Variants in HTR2C observed in about 807,000 individuals in gnomAD.
HTR2C encodes the protein 5-hydroxytryptamine receptor 2C.
Under a neutral mutation model 21.0 loss-of-function variants are expected in HTR2C, and 5 were observed. That is an observed-to-expected ratio of 0.24 (90% confidence interval 0.12 to 0.50). The LOEUF is 0.50. Among genes scored for constraint, HTR2C ranks in the 20% least tolerant of loss-of-function variants. HTR2C has a pLI of 0.98. For synonymous variants in HTR2C, 150 were observed against 145.3 expected, an observed-to-expected ratio of 1.03 and a Z score of -0.23; for missense variants, 271 against 371.2, an observed-to-expected ratio of 0.73 and a Z score of 2.22.
intron 5 of HTR2C, among the ~76,000 whole-genome samples, chrX:114,855,588 G>A (rs1602882088): frequency 9.1e-6 from 1 of 109,844 alleles, no homozygotes; most frequent in Non-Finnish European, 1.9e-5. Context: ...ACAGGCTCAA[G>A]TCATCCATTA....
chrX:114,780,269 C>CACTCACA (rs1256689251), intron 4 of HTR2C, among the ~76,000 whole-genome samples: 26 of 111,288 alleles, frequency 2.3e-4, no homozygotes, highest in Non-Finnish European at 2.8e-4. Flanking sequence ...TATGTATATA[C>CACTCACA]ACTCACACAC....
At chrX:114,585,317 G>A (rs140107688) in intron 1 of HTR2C, among the ~76,000 whole-genome samples, 42 of 111,690 alleles carry the variant, frequency 3.8e-4, no homozygotes, top group African/African-American at 1.4e-3. Flanking sequence ...AGCGCTGCTG[G>A]TGATCACGTA....
At chrX:114,804,597 A>G (rs1167161773) in intron 4 of HTR2C, among the ~76,000 whole-genome samples, 5 of 111,992 alleles carry the variant, frequency 4.5e-5, no homozygotes, top group Non-Finnish European at 9.4e-5. Flanking sequence ...TATTAAAAAC[A>G]TTTCAAATGA....
At chrX:114,586,894 C>T (rs1369702751) in intron 1 of HTR2C, among the ~76,000 whole-genome samples, 1 of 110,722 alleles carries the variant, frequency 9.0e-6, no homozygotes, top group Non-Finnish European at 1.9e-5. Context: ...TTAGATTTTT[C>T]CCCTCAATTT....
chrX:114,662,344 G>C (rs1556410318), intron 2 of HTR2C, among the ~76,000 whole-genome samples: 1 of 110,601 alleles, frequency 9.0e-6, no homozygotes, highest in Non-Finnish European at 1.9e-5. Context: ...CTAAACTTCA[G>C]TTAATTTCTT....
intron 4 of HTR2C, among the ~76,000 whole-genome samples, chrX:114,795,772 G>A (rs2070286747): frequency 9.0e-6 from 1 of 111,484 alleles, no homozygotes; most frequent in African/African-American, 3.3e-5. Flanking sequence ...CTGTAGCCTT[G>A]TAGTATAGTT....
chrX:114,584,817 CG>C (rs1556389075), intron 1 of HTR2C, among the ~76,000 whole-genome samples, 158 bp downstream of exon 1: 1 of 110,312 alleles, frequency 9.1e-6, no homozygotes, highest in Non-Finnish European at 1.9e-5. Flanking sequence ...GCGCAAATCG[CG>C]AGGAGACTGA....
chrX:114,785,157 G>T (rs2070162857), intron 4 of HTR2C, among the ~76,000 whole-genome samples: 1 of 111,527 alleles, frequency 9.0e-6, no homozygotes, highest in African/African-American at 3.3e-5. Context: ...TTTCCACTAT[G>T]GCAATTCCAG....
chrX:114,665,550 C>G, intron 2 of HTR2C, among the ~76,000 whole-genome samples: 1 of 112,219 alleles, frequency 8.9e-6, no homozygotes, highest in Non-Finnish European at 1.9e-5. Flanking sequence ...ATATTATAAA[C>G]AGTTGATTAA....
At chrX:114,684,170 G>T (rs1410832556) in intron 2 of HTR2C, among the ~76,000 whole-genome samples, 3 of 111,702 alleles carry the variant, frequency 2.7e-5, no homozygotes, top group Non-Finnish European at 5.6e-5. Flanking sequence ...TATTAATTTA[G>T]TATTTTTATA....
chrX:114,708,913 T>C (rs1322735096), intron 2 of HTR2C, among the ~76,000 whole-genome samples: 1 of 111,924 alleles, frequency 8.9e-6, no homozygotes, highest in Non-Finnish European at 1.9e-5. Context: ...TGGCAAATCT[T>C]AAATGATAGT....
chrX:114,739,166 CTT>C (rs1409710101), intron 4 of HTR2C, among the ~76,000 whole-genome samples: 4 of 110,784 alleles, frequency 3.6e-5, no homozygotes, highest in African/African-American at 9.8e-5. Flanking sequence ...ATATAAATAA[CTT>C]TGTCAGACAG....
intron 2 of HTR2C, among the ~76,000 whole-genome samples, chrX:114,696,173 T>C (rs1397882708): frequency 8.9e-6 from 1 of 111,771 alleles, no homozygotes; most frequent in Non-Finnish European, 1.9e-5. Context: ...AGACCATACA[T>C]TAAGCATACC....
At chrX:114,615,725 G>A (rs1928921707) in intron 2 of HTR2C, among the ~76,000 whole-genome samples, 1 of 111,233 alleles carries the variant, frequency 9.0e-6, no homozygotes, top group Admixed American at 9.6e-5. Context: ...GTTGTTTTTC[G>A]ACCTCTATGT....
intron 4 of HTR2C, among the ~76,000 whole-genome samples, chrX:114,773,784 G>C (rs1385912575): frequency 8.9e-6 from 1 of 112,094 alleles, no homozygotes; most frequent in Non-Finnish European, 1.9e-5. Context: ...TTTCCAAAAT[G>C]CCTTTCACTT....
intron 3 of HTR2C, among the ~76,000 whole-genome samples, chrX:114,728,120 A>C (rs2069500969): frequency 1.8e-5 from 2 of 112,308 alleles, no homozygotes; most frequent in South Asian, 3.6e-4. Context: ...CCTGTCTTCT[A>C]ACAATGTCCT....
intron 2 of HTR2C, among the ~76,000 whole-genome samples, chrX:114,659,403 C>T (rs886759711): frequency 9.0e-6 from 1 of 111,607 alleles, no homozygotes; most frequent in Admixed American, 9.6e-5. Flanking sequence ...ATCCCATCTC[C>T]TCACCATCAT....
At chrX:114,720,887 G>A (rs1288814159) in intron 2 of HTR2C, among the ~76,000 whole-genome samples, 2 of 95,495 alleles carry the variant, frequency 2.1e-5, no homozygotes, top group Non-Finnish European at 2.1e-5. Context: ...TGGTGTATAT[G>A]TGCCACATTT....
chrX:114,858,334 G>A lies in HTR2C; in HGVS notation c.550+10131G>A, dbSNP rs148693455. Among the ~76,000 whole-genome samples the A allele has an allele frequency of 7.8e-3, 863 of 111,152 alleles. 5 individuals are homozygous for A. The highest frequency in any genetic ancestry group is 0.027 in the African/African-American group (825 of 30,669). Reference sequence around the variant, plus strand: ...ATACTATGGCTTCCAATCCATGTACGTATGCATATGTACATGTAAATAATC... The same window carrying A: ...ATACTATGGCTTCCAATCCATGTACATATGCATATGTACATGTAAATAATC... On this transcript the variant is annotated intron_variant, in intron 5 of 5. Transcript: ENST00000276198.
Sources: gnomAD v4.1 joint callset for allele counts (sites outside exome capture counted in the v4.1 genomes callset) on GRCh38, gnomAD v4.1.1 for gene constraint, MANE v1.5 for transcripts, NCBI Gene and HGNC (gene_info 2026-07-23, HGNC 2026-07-21) for gene names.